The following FSHR variants were observed in gnomAD, a reference collection of about 807,000 sequenced individuals.
FSHR encodes the protein follicle-stimulating hormone receptor.
In FSHR, 46 loss-of-function variants were observed where a neutral mutation model predicts 52.1. The observed-to-expected ratio is 0.88, with a 90% CI of 0.70 to 1.13. The LOEUF is 1.13. Ranked by LOEUF, FSHR falls within the 50% of genes most tolerant of loss-of-function variation. FSHR has a pLI of 0.00. For synonymous variants in FSHR, 399 were observed against 309.6 expected, an observed-to-expected ratio of 1.29 and a Z score of -3.03; for missense variants, 964 against 834.6, an observed-to-expected ratio of 1.16 and a Z score of -1.91.
At chr2:49,070,219 T>C (rs1172506032) in intron 1 of FSHR, among the ~76,000 whole-genome samples, 1 of 152,106 alleles carries the variant, frequency 6.6e-6, no homozygotes, top group Non-Finnish European at 1.5e-5. Context: ...TACACAAATA[T>C]ATAACAGAAA....
intron 1 of FSHR, among the ~76,000 whole-genome samples, chr2:49,150,943 G>C (rs1303311591): frequency 6.6e-6 from 1 of 151,850 alleles, no homozygotes; most frequent in Non-Finnish European, 1.5e-5. Flanking sequence ...TCAAAATAAT[G>C]CTTTTTTGTG....
intron 4 of FSHR, among the ~76,000 whole-genome samples, chr2:49,007,401 T>C (rs546084383): frequency 2.0e-5 from 3 of 152,150 alleles, no homozygotes; most frequent in African/African-American, 4.8e-5. Context: ...TAAATAAACA[T>C]AAAAATGGGA....
chr2:49,020,124 C>T lies in FSHR; in HGVS notation c.261G>A (p.Glu87=), dbSNP rs267599405. ...ISQNDVLEVI[E]ADVFSNLPKL... is the part of the protein sequence containing the mutation. ...TGGGAAGGTTGGAGAACACATCTGCCTCTATCACCTCCAAGACATCATTCT... is the reference window on the plus strand; with the variant it reads ...TGGGAAGGTTGGAGAACACATCTGCTTCTATCACCTCCAAGACATCATTCT... Residue 87 remains glutamate, a synonymous_variant, in exon 3 of 10, where the codon GAG becomes GAA. Coordinates refer to ENST00000406846, the MANE Select transcript of FSHR (RefSeq NM_000145.4). 6.2e-7 allele frequency: 1 copy of T among 1,613,734 alleles called. No individual in the cohort carries two copies.
intron 2 of FSHR, among the ~76,000 whole-genome samples, chr2:49,053,380 C>G (rs984643051): frequency 2.0e-5 from 3 of 152,122 alleles, no homozygotes; most frequent in Non-Finnish European, 4.4e-5. Flanking sequence ...CATTTCCATA[C>G]ATAATTTTTC....
At chr2:49,014,146 C>T (rs993042679) in intron 4 of FSHR, among the ~76,000 whole-genome samples, 1 of 152,146 alleles carries the variant, frequency 6.6e-6, no homozygotes, top group African/African-American at 2.4e-5. Flanking sequence ...TCTGTTAGAG[C>T]AGCCCAAACT....
At chr2:49,140,227 G>C (rs770973484) in intron 1 of FSHR, among the ~76,000 whole-genome samples, 15 of 152,088 alleles carry the variant, frequency 9.9e-5, no homozygotes, top group African/African-American at 2.9e-4. Flanking sequence ...TGAATGGCTT[G>C]GTCATCCCCT....
intron 4 of FSHR, among the ~76,000 whole-genome samples, chr2:49,005,090 A>G (rs1017126457): frequency 1.3e-5 from 2 of 152,110 alleles, no homozygotes; most frequent in African/African-American, 4.8e-5. Flanking sequence ...AGAATATCAG[A>G]GTCTGAATAT....
chr2:49,104,746 A>G (rs1294579973), intron 1 of FSHR, among the ~76,000 whole-genome samples: 2 of 152,002 alleles, frequency 1.3e-5, no homozygotes, highest in African/African-American at 4.8e-5. Flanking sequence ...TGCCATCCTC[A>G]ATACAGCAGG....
intron 1 of FSHR, among the ~76,000 whole-genome samples, chr2:49,145,074 C>T (rs1290425913): frequency 1.3e-5 from 2 of 152,026 alleles, no homozygotes; most frequent in African/African-American, 4.8e-5. Flanking sequence ...AGCTGGCATA[C>T]ACAGCCCATT....
chr2:48,982,339 G>A (rs779517451), intron 8 of FSHR, among the ~76,000 whole-genome samples: 29 of 152,182 alleles, frequency 1.9e-4, no homozygotes, highest in Non-Finnish European at 3.7e-4. Context: ...ATGCAGGGCT[G>A]TGAGGCACGG....
At chr2:48,998,499 G>A (rs934471507) in intron 4 of FSHR, among the ~76,000 whole-genome samples, 1 of 151,982 alleles carries the variant, frequency 6.6e-6, no homozygotes, top group Non-Finnish European at 1.5e-5. Context: ...ACATATTCCA[G>A]GTAGTTTCCA....
At chr2:49,059,304 T>C (rs1669195203) in intron 2 of FSHR, among the ~76,000 whole-genome samples, 1 of 151,992 alleles carries the variant, frequency 6.6e-6, no homozygotes, top group South Asian at 2.1e-4. Flanking sequence ...CAAAACATCC[T>C]GCATGGCCAA....
At chr2:49,111,450 C>A (rs1410649552) in intron 1 of FSHR, among the ~76,000 whole-genome samples, 1 of 152,168 alleles carries the variant, frequency 6.6e-6, no homozygotes, top group East Asian at 1.9e-4. Context: ...CTGGTCACTT[C>A]ATTTCTCCAG....
At chr2:49,109,949 G>T (rs1443142494) in intron 1 of FSHR, among the ~76,000 whole-genome samples, 1 of 152,168 alleles carries the variant, frequency 6.6e-6, no homozygotes. Context: ...CAGAATGAGA[G>T]TTGGGGCTAT....
intron 1 of FSHR, among the ~76,000 whole-genome samples, chr2:49,103,782 G>T (rs1034562255): frequency 5.9e-5 from 9 of 152,080 alleles, no homozygotes; most frequent in African/African-American, 2.2e-4. Context: ...TGATGTTCAG[G>T]GATAAGAAAG....
intron 1 of FSHR, among the ~76,000 whole-genome samples, chr2:49,092,658 T>C (rs1262849465): frequency 6.6e-6 from 1 of 152,128 alleles, no homozygotes; most frequent in Non-Finnish European, 1.5e-5. Context: ...TTCTTTATTT[T>C]ATTATTTTAT....
intron 1 of FSHR, among the ~76,000 whole-genome samples, chr2:49,144,210 C>T (rs1672789406): frequency 6.6e-6 from 1 of 152,122 alleles, no homozygotes; most frequent in African/African-American, 2.4e-5. Context: ...CAGCCCAAGT[C>T]AAGACATAAA....
chr2:48,968,587 G>C, intron 9 of FSHR, 111 bp downstream of exon 9: 1 of 1,286,412 alleles, frequency 7.8e-7, no homozygotes, highest in Non-Finnish European at 1.1e-6. Flanking sequence ...AAGGGCTTGA[G>C]ACAGGGAACT....
At chr2:49,150,479 A>G (rs1224305220) in intron 1 of FSHR, among the ~76,000 whole-genome samples, 1 of 152,152 alleles carries the variant, frequency 6.6e-6, no homozygotes, top group Non-Finnish European at 1.5e-5. Context: ...ATCAACAACA[A>G]TAACAACATG....
Sources: allele counts gnomAD v4.1 joint callset (sites outside exome capture counted in the v4.1 genomes callset), GRCh38; gene constraint gnomAD v4.1.1; transcripts MANE v1.5; gene names NCBI Gene and HGNC (gene_info 2026-07-23, HGNC 2026-07-21).